TBC1D24: variants seen among roughly 807,000 people sequenced by gnomAD.
TBC1D24 encodes TBC1 domain family member 24.
In TBC1D24, 47 loss-of-function variants were observed where a neutral mutation model predicts 50.7. The ratio of observed to expected loss-of-function variants is 0.93; its 90% CI spans 0.73 to 1.18. The LOEUF is 1.18. Ranked by LOEUF, TBC1D24 falls within the 50% of genes most tolerant of loss-of-function variation. The pLI is 0.00. For missense variants in TBC1D24, 688 were observed against 766.5 expected, an observed-to-expected ratio of 0.90 and a Z score of 1.21; for synonymous variants, 324 against 335.2, an observed-to-expected ratio of 0.97 and a Z score of 0.36.
chr16:2,487,573 G>A lies in TBC1D24; in HGVS notation c.-115-8461G>A, dbSNP rs140277286. Among the ~76,000 whole-genome samples, 611 of 152,332 alleles carry A rather than the reference G, an allele frequency of 4.0e-3. 2 individuals carry two copies. The highest frequency in any genetic ancestry group is 7.8e-3 in the Admixed American group (119 of 15,296). ...AAGAAGCGAGACGTGCAGAGGCCTC[G>A]TGACTCAGGCTGTCAGGCCTGGAGT... is the stretch of plus-strand genomic sequence containing the variant. On this transcript the variant is annotated intron_variant, in intron 1 of 7. Coordinates refer to ENST00000646147, the MANE Select transcript of TBC1D24 (RefSeq NM_001199107.2). The surrounding 1 kb of genome is among the most constrained non-coding windows in gnomAD (Gnocchi z 4.1).
intron 1 of TBC1D24, chr16:2,476,560 A>G (rs2065570384): frequency 6.6e-6 from 1 of 152,220 alleles, no homozygotes; most frequent in Non-Finnish European, 1.5e-5. Context: ...GAGGCTTTAC[A>G]TGGAGGACTT....
chr16:2,497,246 GAA>G, intron 2 of TBC1D24, 133 bp downstream of exon 2: 1 of 1,208,348 alleles, frequency 8.3e-7, no homozygotes, highest in Non-Finnish European at 1.2e-6. Context: ...GTGCATGGCT[GAA>G]AAGACACTGA....
intron 2 of TBC1D24, 74 bp downstream of exon 2, chr16:2,497,187 A>C: frequency 1.0e-5 from 16 of 1,584,174 alleles, no homozygotes; most frequent in Middle Eastern, 1.9e-4. Flanking sequence ...GCGTGAGCTC[A>C]TCCTGCCGGC....
chr16:2,492,109 G>A (rs1403153237), intron 1 of TBC1D24, among the ~76,000 whole-genome samples: 1 of 152,132 alleles, frequency 6.6e-6, no homozygotes, highest in Admixed American at 6.6e-5. Flanking sequence ...CAAAGTGCTG[G>A]GATTACAGAT....
chr16:2,497,169 C>T (rs1264917945), intron 2 of TBC1D24, 56 bp downstream of exon 2: 13 of 1,595,330 alleles, frequency 8.1e-6, no homozygotes, highest in African/African-American at 4.0e-5. Context: ...TGGGGCAGGA[C>T]GTGTCTGGCG....
At position 2,496,761 on chromosome 16, in the gene TBC1D24, G is replaced by T; in HGVS notation, c.613G>T (p.Val205Phe). The change falls in exon 2 of 8, where the codon GTC becomes TTC. Residue 205 changes from valine (V) to phenylalanine (F), a missense_variant. Transcript: ENST00000646147. ...GCTGATGGTGGCCGTGTCGGAGGAT[G>T]TCCTGCAGGTCTATGCGGACTGGCA... The part of the protein sequence containing the change: ...HKLMVAVSED[V>F]LQVYADWQRW... 1 of 1,613,988 alleles carries T rather than the reference G, an allele frequency of 6.2e-7. No homozygotes were observed. Among genetic ancestry groups the T allele is most frequent in the Non-Finnish European group, 8.5e-7 (1 of 1,180,042 alleles).
Position 2,491,684 on chromosome 16 carries a change from A to G in TBC1D24, c.-115-4350A>G, listed in dbSNP as rs547151342. On this transcript the variant is annotated intron_variant, in intron 1 of 7. Transcript: ENST00000646147. ...ATTCTCCTGCCTCAGCCTCCCACGT[A>G]GCTGGGACTACAGGCATGTGCCACC... is the stretch of plus-strand genomic sequence containing the variant. Among the ~76,000 whole-genome samples, 993 of 151,670 alleles carry G rather than the reference A, an allele frequency of 6.5e-3. 3 individuals are homozygous for G. Among genetic ancestry groups the G allele is most frequent in the Non-Finnish European group, 9.6e-3 (655 of 67,940 alleles).
At chr16:2,477,639 A>T (rs1010436147) in intron 1 of TBC1D24, 4 of 152,252 alleles carry the variant, frequency 2.6e-5, no homozygotes, top group African/African-American at 9.7e-5. Context: ...TGTTCTGTGG[A>T]TTTGGTGTTA....
At position 2,499,387 on chromosome 16, in the gene TBC1D24, T is replaced by G; in HGVS notation, c.1173T>G (p.Pro391=). 6.2e-7 allele frequency: 1 copy of G among 1,613,632 alleles called. No individual in the cohort carries two copies. The highest frequency in any genetic ancestry group is 8.5e-7 in the Non-Finnish European group (1 of 1,179,858). ...ACTTCCAGTGTGAAGGACATGAGCC[T>G]ACCCTCTTGCTCATCAAGACCACGC... The part of the protein sequence containing the change: ...RFYFQCEGHE[P]TLLLIKTTQK... The change falls in exon 5 of 8, where the codon CCT becomes CCG. Residue 391 remains proline, a synonymous_variant. Coordinates refer to ENST00000646147, the MANE Select transcript of TBC1D24 (RefSeq NM_001199107.2). The surrounding 1 kb of genome is among the most constrained non-coding windows in gnomAD (Gnocchi z 4.0).
chr16:2,497,375 G>A (rs931822988), intron 2 of TBC1D24, among the ~76,000 whole-genome samples: 5 of 152,154 alleles, frequency 3.3e-5, no homozygotes, highest in African/African-American at 1.2e-4. Context: ...GCAAGGCATC[G>A]TGGGAGGCCA....
At chr16:2,498,460 G>T (rs1412569899) in intron 4 of TBC1D24, 64 bp downstream of exon 4, 7 of 1,490,944 alleles carry the variant, frequency 4.7e-6, no homozygotes, top group African/African-American at 1.4e-5. Context: ...GCCCACAGAG[G>T]CTGGAAATGG....
At position 2,503,757 on chromosome 16, in the gene TBC1D24, A is replaced by G. The variant is rs183712092; in HGVS notation, c.*2799A>G. ...GTATTTTTAGTAGAGGCAGGGTTTC[A>G]CTGTGTTGGTCAGGCTGGTCTTGAA... On this transcript the variant is annotated 3_prime_UTR_variant, in exon 8 of 8. Coordinates refer to ENST00000646147, the MANE Select transcript of TBC1D24 (RefSeq NM_001199107.2). 6.6e-6 allele frequency: 1 copy of G among 152,072 alleles called. No homozygotes were observed. Among genetic ancestry groups the G allele is most frequent in the African/African-American group, 2.4e-5 (1 of 41,488 alleles). 9.4% of individuals were successfully genotyped at this position (152,072 alleles called of 1,614,324 possible). A position where few individuals can be genotyped will look rare whatever the true frequency, so the allele number is the denominator to read the frequency against.
Position 2,499,744 on chromosome 16 carries a change from C to G in TBC1D24, c.1207-91C>G. On this transcript the variant is annotated intron_variant, in intron 5 of 7. Transcript: ENST00000646147. This position sits in a 1 kb window ranked among gnomAD's most constrained non-coding sequence, Gnocchi z 4.0. ...GAGACGGCAATGCCTGCACCCCCACCTGTGACCTGGGACAGGCCCGTCAGT... is the reference window on the plus strand; with the variant it reads ...GAGACGGCAATGCCTGCACCCCCACGTGTGACCTGGGACAGGCCCGTCAGT... 8.6e-7 allele frequency: 1 copy of G among 1,168,076 alleles called. No individual in the cohort carries two copies. 72.4% of individuals were successfully genotyped at this position (1,168,076 alleles called of 1,614,324 possible).
chr16:2,487,649 G>A lies in TBC1D24; in HGVS notation c.-115-8385G>A, dbSNP rs1311162741. ...TTTGGTGTTGGAGTTTGGTGTTGGA[G>A]TTTGGTGCTGGAGTTTGGTGCTGGA... is the stretch of plus-strand genomic sequence containing the variant. On this transcript the variant is annotated intron_variant, in intron 1 of 7. Transcript: ENST00000646147. This position sits in a 1 kb window ranked among gnomAD's most constrained non-coding sequence, Gnocchi z 4.1. 6.8e-6 allele frequency among the ~76,000 whole-genome samples: 1 copy of A among 147,126 alleles called. No homozygotes were observed. Among genetic ancestry groups the A allele is most frequent in the African/African-American group, 2.5e-5 (1 of 39,728 alleles).
At chr16:2,489,702 C>T (rs546825155) in intron 1 of TBC1D24, among the ~76,000 whole-genome samples, 45 of 152,282 alleles carry the variant, frequency 3.0e-4, no homozygotes, top group Non-Finnish European at 5.9e-4. Context: ...TCTGCAGGAC[C>T]GGCTGCGTGT....
intron 1 of TBC1D24, chr16:2,476,928 T>G (rs913398756): frequency 1.3e-5 from 2 of 152,270 alleles, no homozygotes; most frequent in African/African-American, 4.8e-5. Context: ...ACCTTGGGCA[T>G]GCAGTGTTGC....
At position 2,496,145 on chromosome 16, in the gene TBC1D24, C is replaced by A. The variant is rs202124579; in HGVS notation, c.-4C>A. The A allele has an allele frequency of 2.5e-6, 4 of 1,613,624 alleles. No individual in the cohort carries two copies. The highest frequency in any genetic ancestry group is 3.4e-6 in the Non-Finnish European group (4 of 1,180,016). Reference sequence around the variant, plus strand: ...CAGGGCCTCCTCCCGAGCACAGCGGCGCTATGGACTCTCCAGGATACAACT... The same window carrying A: ...CAGGGCCTCCTCCCGAGCACAGCGGAGCTATGGACTCTCCAGGATACAACT... On this transcript the variant is annotated 5_prime_UTR_variant, in exon 2 of 8. Transcript: ENST00000646147.
Position 2,498,405 on chromosome 16 carries a change from C to A in TBC1D24, c.1142+9C>A. The stretch of plus-strand genomic sequence containing the variant: ...GGGTACAGCCTGGCCAGGTAACACC[C>A]CAAGGGGCCAGAGCGGGCGGCAGAG... On this transcript the variant is annotated intron_variant, in intron 4 of 7. Coordinates refer to ENST00000646147, the MANE Select transcript of TBC1D24 (RefSeq NM_001199107.2). 1 of 1,599,698 alleles carries A rather than the reference C, an allele frequency of 6.3e-7. No individual in the cohort carries two copies.
In TBC1D24 at chr16:2,505,089, G is replaced by A. The variant is rs370175335; in HGVS notation, c.*4131G>A. ...TCAGCCTAAATGTCTTGTTTGCGTGGAGAAATTATCAAATGAAGCAGGAGT... is the reference window on the plus strand; with the variant it reads ...TCAGCCTAAATGTCTTGTTTGCGTGAAGAAATTATCAAATGAAGCAGGAGT... On this transcript the variant is annotated 3_prime_UTR_variant, in exon 8 of 8. Transcript: ENST00000646147. 1.3e-5 allele frequency: 2 copies of A among 152,296 alleles called. No individual in the cohort carries two copies. The highest frequency in any genetic ancestry group is 4.8e-5 in the African/African-American group (2 of 41,562). The allele number at this position is 152,296 out of a possible 1,614,324, so 9.4% of individuals were successfully genotyped here.
Sources: gnomAD v4.1 joint callset for allele counts (sites outside exome capture counted in the v4.1 genomes callset) on GRCh38, gnomAD v4.1.1 for gene constraint, Gnocchi (gnomAD v3.1) non-coding constraint, MANE v1.5 for transcripts, NCBI Gene and HGNC (gene_info 2026-07-23, HGNC 2026-07-21) for gene names.